The following KCNQ1OT1 variants were observed in gnomAD, a reference collection of about 807,000 sequenced individuals.
The protein encoded by KCNQ1OT1 is KCNQ1 opposite strand/antisense transcript 1, also known as KCNQ1 antisense RNA 2 (non-protein coding).
At chr11:2,680,194 A>G (rs1185162068) in exon 1 of KCNQ1OT1, 1 of 389,804 alleles carries the variant, frequency 2.6e-6, no homozygotes, top group African/African-American at 2.2e-5. Context: ...ACCTGGCCTC[A>G]GCTTGCCTAA....
In KCNQ1OT1 at chr11:2,682,032, C is replaced by T; in HGVS notation, n.17963G>A. 2.5e-6 allele frequency: 1 copy of T among 398,604 alleles called. No homozygotes were observed. Among genetic ancestry groups the T allele is most frequent in the East Asian group, 3.6e-5 (1 of 28,080 alleles). The allele number at this position is 398,604 out of a possible 1,614,324, so 24.7% of individuals were successfully genotyped here. A position where few individuals can be genotyped will look rare whatever the true frequency, so the allele number is the denominator to read the frequency against. On this transcript the variant is annotated non_coding_transcript_exon_variant, in exon 1 of 1. Transcript: ENST00000597346. This position sits in a 1 kb window ranked among gnomAD's most constrained non-coding sequence, Gnocchi z 5.8. Reference sequence around the variant, plus strand: ...GCAGCTTTTAACACAAGAATATTATCACTCCTGTTTTATAGATAATCTCCT... The same window carrying T: ...GCAGCTTTTAACACAAGAATATTATTACTCCTGTTTTATAGATAATCTCCT...
rs550268693 is a variant in KCNQ1OT1, at chr11:2,687,248, C to T, written n.12747G>A. 18 of 398,662 alleles carry T rather than the reference C, an allele frequency of 4.5e-5. No homozygotes were observed. Among genetic ancestry groups the T allele is most frequent in the African/African-American group, 3.5e-4 (17 of 48,754 alleles). The allele number at this position is 398,662 out of a possible 1,614,324, so 24.7% of individuals were successfully genotyped here. ...AATTTTCACTCAGCCAGCATCACTA[C>T]CAGCTCCGGGCTTCTCTCCTCTGGC... On this transcript the variant is annotated non_coding_transcript_exon_variant, in exon 1 of 1. Transcript: ENST00000597346. This position sits in a 1 kb window ranked among gnomAD's most constrained non-coding sequence, Gnocchi z 5.0.
exon 1 of KCNQ1OT1, chr11:2,662,159 C>A: frequency 3.8e-6 from 6 of 1,595,696 alleles, no homozygotes; most frequent in East Asian, 2.2e-5. Context: ...GCTGGGGAAG[C>A]CTTGCTCTCT....
At chr11:2,632,193 A>AAG in exon 1 of KCNQ1OT1, 2 of 397,798 alleles carry the variant, frequency 5.0e-6, no homozygotes, top group East Asian at 7.1e-5. Context: ...AAAAAAAAAA[A>AAG]AAAAAAAAAA....
Position 2,661,651 on chromosome 11 carries a change from C to T in KCNQ1OT1, n.38344G>A. 1.7e-6 allele frequency: 1 copy of T among 595,194 alleles called. No individual in the cohort carries two copies. Among genetic ancestry groups the T allele is most frequent in the Non-Finnish European group, 3.0e-6 (1 of 333,866 alleles). The allele number at this position is 595,194 out of a possible 1,614,324, so 36.9% of individuals were successfully genotyped here. A position where few individuals can be genotyped will look rare whatever the true frequency, so the allele number is the denominator to read the frequency against. Reference sequence around the variant, plus strand: ...TCTTGACCCAAGTGTCAGTTGTGAACATGGGAAGAGGCCCAGAACCTGAGG... The same window carrying T: ...TCTTGACCCAAGTGTCAGTTGTGAATATGGGAAGAGGCCCAGAACCTGAGG... On this transcript the variant is annotated non_coding_transcript_exon_variant, in exon 1 of 1. Coordinates refer to ENST00000597346, the Ensembl canonical transcript of KCNQ1OT1. The surrounding 1 kb of genome is among the most constrained non-coding windows in gnomAD (Gnocchi z 5.9).
Position 2,659,506 on chromosome 11 carries a change from G to A in KCNQ1OT1, n.40489C>T, listed in dbSNP as rs762855171. The A allele has an allele frequency of 2.5e-6, 1 of 398,542 alleles. No homozygotes were observed. Among genetic ancestry groups the A allele is most frequent in the Non-Finnish European group, 4.4e-6 (1 of 226,022 alleles). The allele number at this position is 398,542 out of a possible 1,614,324, so 24.7% of individuals were successfully genotyped here. On this transcript the variant is annotated non_coding_transcript_exon_variant, in exon 1 of 1. Transcript: ENST00000597346. The surrounding 1 kb of genome is among the most constrained non-coding windows in gnomAD (Gnocchi z 4.3). ...ATACATTTTGTTTATGCATTCACCT[G>A]TTGAAGGACATCTTCATTGTTTCCA...
chr11:2,626,092 T>A lies in KCNQ1OT1; in HGVS notation n.73903A>T, dbSNP rs971647785. The A allele has an allele frequency of 1.8e-5, 7 of 398,540 alleles. No homozygotes were observed. The highest frequency in any genetic ancestry group is 3.1e-5 in the Non-Finnish European group (7 of 226,072). 24.7% of individuals were successfully genotyped at this position (398,540 alleles called of 1,614,324 possible). A position where few individuals can be genotyped will look rare whatever the true frequency, so the allele number is the denominator to read the frequency against. ...GCCTGTGCAAGTACAATTTATCTATTTTTACTTTTATTGCCTGTGCCTTTG... is the reference window on the plus strand; with the variant it reads ...GCCTGTGCAAGTACAATTTATCTATATTTACTTTTATTGCCTGTGCCTTTG... On this transcript the variant is annotated non_coding_transcript_exon_variant, in exon 1 of 1. Transcript: ENST00000597346. This position sits in a 1 kb window ranked among gnomAD's most constrained non-coding sequence, Gnocchi z 4.0.
Position 2,683,777 on chromosome 11 carries a change from C to G in KCNQ1OT1, n.16218G>C. The G allele has an allele frequency of 2.5e-6, 1 of 398,636 alleles. No individual in the cohort carries two copies. Among genetic ancestry groups the G allele is most frequent in the East Asian group, 3.6e-5 (1 of 28,076 alleles). 24.7% of individuals were successfully genotyped at this position (398,636 alleles called of 1,614,324 possible). A position where few individuals can be genotyped will look rare whatever the true frequency, so the allele number is the denominator to read the frequency against. On this transcript the variant is annotated non_coding_transcript_exon_variant, in exon 1 of 1. Coordinates refer to ENST00000597346, the Ensembl canonical transcript of KCNQ1OT1. This position sits in a 1 kb window ranked among gnomAD's most constrained non-coding sequence, Gnocchi z 4.7. Reference sequence around the variant, plus strand: ...AGATGACATGGGCCTCTAAGGCTGGCTGCTCTTACTCTATACCCCAAAATC... The same window carrying G: ...AGATGACATGGGCCTCTAAGGCTGGGTGCTCTTACTCTATACCCCAAAATC...
rs950066428 is a variant in KCNQ1OT1 at position 2,666,265 on chromosome 11, G to A, written n.33730C>T. ...GGCATGGGGGAGGACCAGGACCCCCGAGGCTGGGCAGAGGGGGTGGAAAGA... is the reference window on the plus strand; with the variant it reads ...GGCATGGGGGAGGACCAGGACCCCCAAGGCTGGGCAGAGGGGGTGGAAAGA... On this transcript the variant is annotated non_coding_transcript_exon_variant, in exon 1 of 1. Coordinates refer to ENST00000597346, the Ensembl canonical transcript of KCNQ1OT1. The A allele has an allele frequency of 2.6e-4, 105 of 398,676 alleles. No individual in the cohort carries two copies. The highest frequency in any genetic ancestry group is 4.8e-4 in the Admixed American group (11 of 22,736). 24.7% of individuals were successfully genotyped at this position (398,676 alleles called of 1,614,324 possible).
rs141985810 is a variant in KCNQ1OT1 at position 2,609,446 on chromosome 11, T to G, written n.90549A>C. 1.8e-3 allele frequency: 734 copies of G among 398,458 alleles called. 15 individuals carry two copies. The East Asian group carries it at 0.026, about 14-fold the overall frequency. The allele number at this position is 398,458 out of a possible 1,614,324, so 24.7% of individuals were successfully genotyped here. ...GTTTGTTTCGTGACTTAGCATATGG[T>G]CCTTCTTGGAGAATGTCTCATGTGC... On this transcript the variant is annotated non_coding_transcript_exon_variant, in exon 1 of 1. Coordinates refer to ENST00000597346, the Ensembl canonical transcript of KCNQ1OT1.
chr11:2,669,288 C>T lies in KCNQ1OT1; in HGVS notation n.30707G>A, dbSNP rs375226265. The T allele has an allele frequency of 4.0e-5, 16 of 398,686 alleles. 2 individuals are homozygous for T. The highest frequency in any genetic ancestry group is 2.7e-4 in the African/African-American group (13 of 48,768). 24.7% of individuals were successfully genotyped at this position (398,686 alleles called of 1,614,324 possible). On this transcript the variant is annotated non_coding_transcript_exon_variant, in exon 1 of 1. Transcript: ENST00000597346. This position sits in a 1 kb window ranked among gnomAD's most constrained non-coding sequence, Gnocchi z 5.6. ...CTTTGCTGTCTTTGCAGGGTTTCTCCTCACCATACATATGCCAGTTGCCAT... is the reference window on the plus strand; with the variant it reads ...CTTTGCTGTCTTTGCAGGGTTTCTCTTCACCATACATATGCCAGTTGCCAT...
exon 1 of KCNQ1OT1, chr11:2,680,404 T>C: frequency 2.5e-6 from 1 of 398,518 alleles, no homozygotes; most frequent in Non-Finnish European, 4.4e-6. Flanking sequence ...TCCATATTTT[T>C]TTAGATCTTT....
rs1267114107 is a variant in KCNQ1OT1 at position 2,659,106 on chromosome 11, GTTAA to G, written n.40885_40888del. On this transcript the variant is annotated non_coding_transcript_exon_variant, in exon 1 of 1. Transcript: ENST00000597346. This position sits in a 1 kb window ranked among gnomAD's most constrained non-coding sequence, Gnocchi z 4.3. ...CATCGTAGGGTCCTCCAACATCCGG[GTTAA>G]TTTTTTAAATTTGCATACAGTAAAA... The G allele has an allele frequency of 1.3e-5, 5 of 398,436 alleles. No homozygotes were observed. The highest frequency in any genetic ancestry group is 2.2e-5 in the Non-Finnish European group (5 of 226,044). The allele number at this position is 398,436 out of a possible 1,614,324, so 24.7% of individuals were successfully genotyped here. A position where few individuals can be genotyped will look rare whatever the true frequency, so the allele number is the denominator to read the frequency against.
Position 2,687,164 on chromosome 11 carries a change from A to C in KCNQ1OT1, n.12831T>G. ...TCTGAGCCAGCTTCCTCCACAAAGC[A>C]CAGAAGTCTGCCAAAAGCCCAGGCT... On this transcript the variant is annotated non_coding_transcript_exon_variant, in exon 1 of 1. Transcript: ENST00000597346. The surrounding 1 kb of genome is among the most constrained non-coding windows in gnomAD (Gnocchi z 5.0). 1 of 398,634 alleles carries C rather than the reference A, an allele frequency of 2.5e-6. No homozygotes were observed. The highest frequency in any genetic ancestry group is 4.4e-6 in the Non-Finnish European group (1 of 226,088). The allele number at this position is 398,634 out of a possible 1,614,324, so 24.7% of individuals were successfully genotyped here. A position where few individuals can be genotyped will look rare whatever the true frequency, so the allele number is the denominator to read the frequency against.
chr11:2,653,217 T>C lies in KCNQ1OT1; in HGVS notation n.46778A>G. The C allele has an allele frequency of 2.5e-6, 1 of 398,772 alleles. No homozygotes were observed. The highest frequency in any genetic ancestry group is 4.4e-6 in the Non-Finnish European group (1 of 226,138). The allele number at this position is 398,772 out of a possible 1,614,324, so 24.7% of individuals were successfully genotyped here. On this transcript the variant is annotated non_coding_transcript_exon_variant, in exon 1 of 1. Transcript: ENST00000597346. This position sits in a 1 kb window ranked among gnomAD's most constrained non-coding sequence, Gnocchi z 5.3. ...CTGTTGCAGGGCTAGGGCCAGGGCC[T>C]TGGCCTCAGGCCAGCTTCTTTCCCA...
chr11:2,662,128 G>A (rs977665325), exon 1 of KCNQ1OT1: 1 of 1,612,466 alleles, frequency 6.2e-7, no homozygotes, highest in Non-Finnish European at 8.5e-7. Context: ...GGGGACTGGA[G>A]CTCAAGGAGT....
chr11:2,680,395 C>T, exon 1 of KCNQ1OT1: 1 of 398,298 alleles, frequency 2.5e-6, no homozygotes, highest in South Asian at 1.3e-4. Context: ...CAACATCCTT[C>T]CATATTTTTT....
chr11:2,655,350 A>G (rs1849826792), exon 1 of KCNQ1OT1: 1 of 398,698 alleles, frequency 2.5e-6, no homozygotes, highest in Non-Finnish European at 4.4e-6. Flanking sequence ...GAATTAAAGC[A>G]TCAAAAACCA....
chr11:2,689,204 C>T (rs1275660044), exon 1 of KCNQ1OT1: 1 of 398,704 alleles, frequency 2.5e-6, no homozygotes, highest in Non-Finnish European at 4.4e-6. Context: ...GCTCAGCTTG[C>T]TGACTTTGAT....
Sources: allele counts gnomAD v4.1 joint callset, GRCh38; gene constraint gnomAD v4.1.1; non-coding constraint Gnocchi (gnomAD v3.1); transcripts MANE v1.5; gene names NCBI Gene and HGNC (gene_info 2026-07-23, HGNC 2026-07-21).